The following ACADL variants were observed in gnomAD, a reference collection of about 807,000 sequenced individuals.
ACADL encodes long-chain specific acyl-CoA dehydrogenase, mitochondrial.
ACADL carries 60 observed loss-of-function variants against 56.9 expected under a neutral mutation model. That is an observed-to-expected ratio of 1.05 (90% CI 0.86 to 1.31). The LOEUF (loss-of-function observed/expected upper bound fraction) is 1.31, where lower values mean the gene tolerates loss of function less well. ACADL is among the 50% of genes most tolerant of loss of function. ACADL has a pLI of 0.00. For synonymous variants in ACADL, 158 were observed against 179.7 expected (o/e 0.88, Z 0.97); for missense variants, 484 against 525.5 (o/e 0.92, Z 0.77).
intron 5 of ACADL, among the ~76,000 whole-genome samples, chr2:210,208,899 A>G (rs1359894926): frequency 6.6e-6 from 1 of 152,172 alleles, no homozygotes; most frequent in Non-Finnish European, 1.5e-5. Flanking sequence ...TTTGAAACAG[A>G]GTCAGTGGTA....
rs1363020360 is a variant in ACADL at position 210,214,772 on chromosome 2, CAGTCAGGT to C, written c.536+1567_536+1574del. ...ACAACTCAATCTGAATATTGGCAGTCAGTCAGGTAGTTATCTTAGAGAATGAAATTAAA... is the reference window on the plus strand; with the variant it reads ...ACAACTCAATCTGAATATTGGCAGTCAGTTATCTTAGAGAATGAAATTAAA... On this transcript the variant is annotated intron_variant, in intron 4 of 10. Coordinates refer to ENST00000233710, the MANE Select transcript of ACADL (RefSeq NM_001608.4). 2.0e-5 allele frequency among the ~76,000 whole-genome samples: 3 copies of C among 152,156 alleles called. No homozygotes were observed. In the East Asian group the frequency reaches 5.8e-4, roughly 29 times the overall value.
intron 3 of ACADL, among the ~76,000 whole-genome samples, chr2:210,216,923 GA>G (rs1338761107): frequency 4.0e-5 from 6 of 150,500 alleles, no homozygotes; most frequent in Non-Finnish European, 7.4e-5. Flanking sequence ...TAGAAAAAAA[GA>G]AAAAAAAGGA....
chr2:210,195,931 C>T (rs1386342401), intron 8 of ACADL, among the ~76,000 whole-genome samples: 1 of 152,072 alleles, frequency 6.6e-6, no homozygotes, highest in Non-Finnish European at 1.5e-5. Flanking sequence ...ATCCAGTACC[C>T]TCATCCTCTT....
In ACADL at chr2:210,188,212, A is replaced by G. The variant is rs1575668462; in HGVS notation, c.*749T>C. On this transcript the variant is annotated 3_prime_UTR_variant, in exon 11 of 11. Coordinates refer to ENST00000233710, the MANE Select transcript of ACADL (RefSeq NM_001608.4). ...TAAATACATTAACTGTTGCAAAAGAAAAGCCATTGCTTTGATACCTATAAA... is the reference window on the plus strand; with the variant it reads ...TAAATACATTAACTGTTGCAAAAGAGAAGCCATTGCTTTGATACCTATAAA... 6.6e-6 allele frequency: 1 copy of G among 152,386 alleles called. No homozygotes were observed. Among genetic ancestry groups the G allele is most frequent in the East Asian group, 1.9e-4 (1 of 5,184 alleles). The allele number at this position is 152,386 out of a possible 1,614,324, so 9.4% of individuals were successfully genotyped here. A position where few individuals can be genotyped will look rare whatever the true frequency, so the allele number is the denominator to read the frequency against.
At chr2:210,210,536 C>T (rs1338700112) in intron 4 of ACADL, among the ~76,000 whole-genome samples, 1 of 152,110 alleles carries the variant, frequency 6.6e-6, no homozygotes, top group Non-Finnish European at 1.5e-5. Flanking sequence ...CATTCGAGAC[C>T]CCAGTGGGAC....
chr2:210,213,154 A>T (rs1240643073), intron 4 of ACADL, among the ~76,000 whole-genome samples: 1 of 152,220 alleles, frequency 6.6e-6, no homozygotes, highest in Non-Finnish European at 1.5e-5. Context: ...ATTTTTCATC[A>T]TAAGTATGTA....
intron 3 of ACADL, 47 bp downstream of exon 3, chr2:210,217,918 G>A: frequency 6.2e-7 from 1 of 1,601,972 alleles, no homozygotes; most frequent in Non-Finnish European, 8.6e-7. Context: ...AAAGGTGAGT[G>A]GTGTGTTTAC....
intron 3 of ACADL, 49 bp from the exon 4 acceptor site, chr2:210,216,560 A>G (rs759899944): frequency 2.0e-6 from 3 of 1,512,126 alleles, no homozygotes; most frequent in South Asian, 2.3e-5. Context: ...AGCAATAAAA[A>G]ACGACTATTA....
chr2:210,194,091 A>G (rs941180666), intron 9 of ACADL, among the ~76,000 whole-genome samples: 6 of 152,164 alleles, frequency 3.9e-5, no homozygotes, highest in Non-Finnish European at 5.9e-5. Flanking sequence ...AGTGTGAAAT[A>G]TGAGCATGTG....
At position 210,189,843 on chromosome 2, in the gene ACADL, T is replaced by C. The variant is rs570100287; in HGVS notation, c.1200-789A>G. Among the ~76,000 whole-genome samples the C allele has an allele frequency of 1.6e-4, 24 of 152,320 alleles. 1 individual carries two copies. The South Asian group carries it at 5.0e-3, about 32-fold the overall frequency. ...CTAAAGTAGAGAGAAGTTAATATAT[T>C]TCCTAATTAATGGTTGCTATTTAAT... On this transcript the variant is annotated intron_variant, in intron 10 of 10. Coordinates refer to ENST00000233710, the MANE Select transcript of ACADL (RefSeq NM_001608.4).
chr2:210,225,017 C>A (rs535927577), intron 1 of ACADL, 170 bp downstream of exon 1: 1 of 985,286 alleles, frequency 1.0e-6, no homozygotes, highest in Admixed American at 6.1e-5. Context: ...CTGGTTGCAC[C>A]CAGTCCGCGG....
rs1688579630 is a variant in ACADL, at chr2:210,188,368, A to AT, written c.*592_*593insA. On this transcript the variant is annotated 3_prime_UTR_variant, in exon 11 of 11. Transcript: ENST00000233710. ...AGCTGAGTCCTAGGGGTTTCAAGGC[A>AT]GTAAGGTATGATGGCTTCCAGCTTC... 2.6e-5 allele frequency: 4 copies of AT among 154,280 alleles called. No individual in the cohort carries two copies. Among genetic ancestry groups the AT allele is most frequent in the African/African-American group, 9.6e-5 (4 of 41,600 alleles). 9.6% of individuals were successfully genotyped at this position (154,280 alleles called of 1,614,324 possible). A position where few individuals can be genotyped will look rare whatever the true frequency, so the allele number is the denominator to read the frequency against.
At chr2:210,224,716 G>A (rs1689237279) in intron 1 of ACADL, 20 of 987,352 alleles carry the variant, frequency 2.0e-5, no homozygotes, top group African/African-American at 3.5e-5. Context: ...CACTGAGTCC[G>A]GGTCCCAAGT....
chr2:210,200,324 A>C (rs1688773514), intron 8 of ACADL, among the ~76,000 whole-genome samples: 2 of 152,176 alleles, frequency 1.3e-5, no homozygotes, highest in African/African-American at 4.8e-5. Flanking sequence ...TCAATGGGAA[A>C]TTATTGATAT....
intron 8 of ACADL, among the ~76,000 whole-genome samples, chr2:210,203,029 T>C (rs1260332751): frequency 1.3e-5 from 2 of 152,160 alleles, no homozygotes; most frequent in Non-Finnish European, 2.9e-5. Flanking sequence ...GTGACAAAGC[T>C]CTCCTGATTT....
At chr2:210,215,427 A>G (rs937507599) in intron 4 of ACADL, among the ~76,000 whole-genome samples, 1 of 151,902 alleles carries the variant, frequency 6.6e-6, no homozygotes, top group Non-Finnish European at 1.5e-5. Context: ...AGCCTTTCCA[A>G]CTGACTTCTC....
intron 10 of ACADL, among the ~76,000 whole-genome samples, chr2:210,192,047 GAAAT>G (rs965891370): frequency 3.6e-4 from 54 of 151,958 alleles, no homozygotes; most frequent in Non-Finnish European, 5.9e-4. Context: ...CAATTTGAAG[GAAAT>G]AAATCTATTT....
At chr2:210,192,010 T>G (rs1199538111) in intron 10 of ACADL, among the ~76,000 whole-genome samples, 3 of 152,084 alleles carry the variant, frequency 2.0e-5, no homozygotes, top group African/African-American at 7.2e-5. Context: ...TATTCATATA[T>G]GATAAAAAGA....
rs953754196 is a variant in ACADL at position 210,203,746 on chromosome 2, G to A, written c.871-302C>T. Among the ~76,000 whole-genome samples, 7 of 152,116 alleles carry A rather than the reference G, an allele frequency of 4.6e-5. No homozygotes were observed. The South Asian group carries it at 1.5e-3, about 32-fold the overall frequency. ...AATGGAGTACAGTTGCACAATCATA[G>A]TTCATTACATCCTGGAATTCCAGGG... On this transcript the variant is annotated intron_variant, in intron 7 of 10. Coordinates refer to ENST00000233710, the MANE Select transcript of ACADL (RefSeq NM_001608.4).
Sources: allele counts gnomAD v4.1 joint callset (sites outside exome capture counted in the v4.1 genomes callset), GRCh38; gene constraint gnomAD v4.1.1; transcripts MANE v1.5; gene names NCBI Gene and HGNC (gene_info 2026-07-23, HGNC 2026-07-21).